ZBBX: variants seen among roughly 807,000 people sequenced by gnomAD.
The protein encoded by ZBBX is zinc finger B-box domain containing.
A neutral mutation model predicts 108.5 loss-of-function variants in ZBBX; 101 were observed. The observed-to-expected ratio is 0.93, with a 90% CI of 0.79 to 1.10. The LOEUF is 1.10. ZBBX is among the 50% of genes least tolerant of loss of function. The pLI is 0.00. For synonymous variants in ZBBX, 356 were observed against 323.4 expected (o/e 1.10, Z -1.08); for missense variants, 1,009 against 941.4 (o/e 1.07, Z -0.94).
the ZBBX span, among the ~76,000 whole-genome samples, chr3:167,206,908 A>G: frequency 1.3e-5 from 2 of 152,146 alleles, no homozygotes; most frequent in Non-Finnish European, 2.9e-5. Context: ...TTCAATAAAC[A>G]GTTTTGAGAA....
chr3:167,299,481 C>A (rs555563276), intron 17 of ZBBX, among the ~76,000 whole-genome samples: 1 of 151,988 alleles, frequency 6.6e-6, no homozygotes. Flanking sequence ...AATCGCAAAT[C>A]TGGAAGAGTT....
At chr3:167,400,782 G>C (rs1748401615) in intron 1 of ZBBX, among the ~76,000 whole-genome samples, 1 of 151,988 alleles carries the variant, frequency 6.6e-6, no homozygotes, top group Non-Finnish European at 1.5e-5. Flanking sequence ...AACATTGATT[G>C]GTCCAGAAAA....
rs78884713 is a variant in ZBBX, at chr3:167,367,335, C to T, written c.182+1126G>A. On this transcript the variant is annotated intron_variant, in intron 5 of 21. Coordinates refer to ENST00000675490, the MANE Select transcript of ZBBX (RefSeq NM_001199201.2). ...GGAATTTATCCCACAAATAGCTTTGCATATGTAAGCGAAAATACATGAAGA... is the reference window on the plus strand; with the variant it reads ...GGAATTTATCCCACAAATAGCTTTGTATATGTAAGCGAAAATACATGAAGA... Among the ~76,000 whole-genome samples the T allele has an allele frequency of 7.4e-3, 1,120 of 151,920 alleles. 13 individuals carry two copies. The highest frequency in any genetic ancestry group is 0.026 in the African/African-American group (1,063 of 41,506).
intron 9 of ZBBX, among the ~76,000 whole-genome samples, chr3:167,343,720 A>C (rs1214257596): frequency 2.0e-5 from 3 of 151,912 alleles, no homozygotes; most frequent in African/African-American, 7.2e-5. Flanking sequence ...AGATAATAAC[A>C]AGTGGTGGCT....
At chr3:167,323,238 AGG>A (rs34327421) in intron 11 of ZBBX, among the ~76,000 whole-genome samples, 1 of 30,492 alleles carries the variant, frequency 3.3e-5, no homozygotes. Flanking sequence ...GAGCTAAAAG[AGG>A]GGGGGGGGGG....
At chr3:167,188,736 CT>C in the ZBBX span, among the ~76,000 whole-genome samples, 1 of 152,118 alleles carries the variant, frequency 6.6e-6, no homozygotes, top group Non-Finnish European at 1.5e-5. Context: ...CTGCCAGTTG[CT>C]TTAGTTAAAA....
downstream of ZBBX, among the ~76,000 whole-genome samples, chr3:167,237,045 T>A (rs1282184311): frequency 3.3e-5 from 5 of 151,778 alleles, no homozygotes; most frequent in Non-Finnish European, 1.5e-5. Flanking sequence ...AAAAACTGAA[T>A]AAAGGGACAG....
downstream of ZBBX, among the ~76,000 whole-genome samples, chr3:167,235,205 A>G (rs183716826): frequency 1.2e-4 from 18 of 151,878 alleles, no homozygotes; most frequent in East Asian, 1.8e-3. Flanking sequence ...GCTATGACAT[A>G]GAAAGTCAGA....
At chr3:167,248,576 C>G (rs1401410400) in intron 20 of ZBBX, 1 of 456,222 alleles carries the variant, frequency 2.2e-6, no homozygotes, top group Non-Finnish European at 4.4e-6. Flanking sequence ...ATTTGAGACA[C>G]TCTAAACAGA....
At chr3:167,351,436 A>T (rs944289525) in intron 8 of ZBBX, among the ~76,000 whole-genome samples, 3 of 152,178 alleles carry the variant, frequency 2.0e-5, no homozygotes, top group Non-Finnish European at 4.4e-5. Context: ...ACTGGAATTC[A>T]GAAGAGAGAT....
At chr3:167,200,300 C>T in the ZBBX span, among the ~76,000 whole-genome samples, 1 of 152,016 alleles carries the variant, frequency 6.6e-6, no homozygotes, top group Non-Finnish European at 1.5e-5. Flanking sequence ...ATGAATATTG[C>T]CCCAAATGTT....
intron 16 of ZBBX, among the ~76,000 whole-genome samples, chr3:167,308,990 C>G (rs1734133431): frequency 6.6e-6 from 1 of 152,288 alleles, no homozygotes; most frequent in East Asian, 1.9e-4. Flanking sequence ...TGTCAGTTTA[C>G]CACTGCTATG....
intron 20 of ZBBX, 21 bp from the exon 21 acceptor site, chr3:167,242,664 C>T (rs773706541): frequency 6.2e-7 from 1 of 1,602,234 alleles, no homozygotes; most frequent in Non-Finnish European, 8.5e-7. Context: ...TTATTTCATG[C>T]ATTGTCAAAA....
chr3:167,358,373 G>T (rs969450616), intron 8 of ZBBX, among the ~76,000 whole-genome samples: 1 of 151,900 alleles, frequency 6.6e-6, no homozygotes, highest in Non-Finnish European at 1.5e-5. Context: ...AGGGGATGGG[G>T]GGAATGGGGA....
chr3:167,361,415 G>A (rs892934842), intron 6 of ZBBX, among the ~76,000 whole-genome samples: 1 of 152,124 alleles, frequency 6.6e-6, no homozygotes, highest in Non-Finnish European at 1.5e-5. Flanking sequence ...GTACACAAAC[G>A]AGAATGAAGG....
chr3:167,278,308 G>C (rs1375441268), intron 20 of ZBBX, among the ~76,000 whole-genome samples: 1 of 150,708 alleles, frequency 6.6e-6, no homozygotes, highest in East Asian at 2.0e-4. Flanking sequence ...AATGAATCCA[G>C]GAGCTGGTTT....
At chr3:167,203,446 A>G in the ZBBX span, among the ~76,000 whole-genome samples, 1 of 152,134 alleles carries the variant, frequency 6.6e-6, no homozygotes, top group Non-Finnish European at 1.5e-5. Flanking sequence ...CATAACACCA[A>G]TTATATGCAG....
chr3:167,375,525 G>A (rs1334691766), intron 2 of ZBBX, among the ~76,000 whole-genome samples: 2 of 151,902 alleles, frequency 1.3e-5, no homozygotes, highest in African/African-American at 4.8e-5. Flanking sequence ...CCGGGAGGTC[G>A]AGATTGCAGT....
intron 20 of ZBBX, among the ~76,000 whole-genome samples, chr3:167,276,673 G>T (rs1256638955): frequency 6.6e-6 from 1 of 152,210 alleles, no homozygotes; most frequent in Admixed American, 6.5e-5. Flanking sequence ...ACACCCTGCA[G>T]GATATTATCC....
Sources: gnomAD v4.1 joint callset for allele counts (sites outside exome capture counted in the v4.1 genomes callset) on GRCh38, gnomAD v4.1.1 for gene constraint, MANE v1.5 for transcripts, NCBI Gene and HGNC (gene_info 2026-07-23, HGNC 2026-07-21) for gene names.